Variants in SHTN1 observed in about 807,000 individuals in gnomAD.
SHTN1 encodes shootin-1.
A neutral mutation model predicts 83.1 loss-of-function variants in SHTN1; 42 were observed. That is an observed-to-expected ratio of 0.51 (90% confidence interval 0.39 to 0.65). The LOEUF (loss-of-function observed/expected upper bound fraction) is 0.65. Ranked by LOEUF, SHTN1 falls within the 30% of genes least tolerant of loss-of-function variation. SHTN1 has a pLI of 0.00. For synonymous variants in SHTN1, 224 were observed against 247.7 expected (o/e 0.90, Z 0.90); for missense variants, 622 against 737.8 (o/e 0.84, Z 1.82).
chr10:117,072,980 G>T (rs913088101), intron 1 of SHTN1, among the ~76,000 whole-genome samples: 2 of 152,000 alleles, frequency 1.3e-5, no homozygotes, highest in African/African-American at 4.8e-5. Flanking sequence ...GAAGTGAAGG[G>T]AGAAAAATTT....
At chr10:117,007,446 CG>C (rs1852037191), upstream of SHTN1, among the ~76,000 whole-genome samples, 3 of 149,936 alleles carry the variant, frequency 2.0e-5, no homozygotes, top group Admixed American at 6.7e-5. Flanking sequence ...ACTAAATCTG[CG>C]GCCTCTTGCA....
chr10:116,953,799 T>C (rs1849876279), intron 5 of SHTN1, among the ~76,000 whole-genome samples: 1 of 152,076 alleles, frequency 6.6e-6, no homozygotes, highest in Admixed American at 6.6e-5. Flanking sequence ...AGCTAATTTT[T>C]GTATTTTTTA....
chr10:116,938,663 G>T (rs1342741231), intron 9 of SHTN1, among the ~76,000 whole-genome samples: 2 of 152,246 alleles, frequency 1.3e-5, no homozygotes, highest in Non-Finnish European at 2.9e-5. Flanking sequence ...ACCTGAGGAG[G>T]CAGTCTGTCC....
At chr10:116,981,353 A>G (rs973531470) in intron 1 of SHTN1, among the ~76,000 whole-genome samples, 1 of 152,148 alleles carries the variant, frequency 6.6e-6, no homozygotes, top group African/African-American at 2.4e-5. Flanking sequence ...TTTTCAACAG[A>G]AAAAGATTTG....
chr10:117,072,375 G>A (rs1226009906), intron 1 of SHTN1, among the ~76,000 whole-genome samples: 2 of 152,116 alleles, frequency 1.3e-5, no homozygotes. Context: ...GGCCCACATC[G>A]TGAATTTTAG....
intron 2 of SHTN1, among the ~76,000 whole-genome samples, chr10:117,043,251 A>G (rs1388751124): frequency 6.6e-6 from 1 of 151,920 alleles, no homozygotes; most frequent in African/African-American, 2.4e-5. Flanking sequence ...CTCCTGTCTC[A>G]GCCTCCCGAG....
intron 1 of SHTN1, among the ~76,000 whole-genome samples, chr10:117,089,428 A>G (rs1853397305): frequency 6.6e-6 from 1 of 152,194 alleles, no homozygotes; most frequent in Admixed American, 6.5e-5. Context: ...AACTTACAAC[A>G]TATAAAAAAT....
At chr10:116,893,576 G>GCACACACACACACACACA (rs6144113) in intron 16 of SHTN1, among the ~76,000 whole-genome samples, 8,364 of 123,472 alleles carry the variant, frequency 0.068, 451 homozygotes, top group African/African-American at 0.1. Context: ...GCACTCATGT[G>GCACACACACACACACACA]CACACACACA....
At chr10:117,027,907 GGGTAAT>G (rs1564935037) in intron 2 of SHTN1, among the ~76,000 whole-genome samples, 3 of 152,188 alleles carry the variant, frequency 2.0e-5, no homozygotes, top group African/African-American at 7.2e-5. Flanking sequence ...CTTTGGAACT[GGGTAAT>G]GTGCAGAGCT....
chr10:116,903,205 A>T lies in SHTN1; in HGVS notation c.1481-1248T>A, dbSNP rs114340862. On this transcript the variant is annotated intron_variant, in intron 15 of 16. Coordinates refer to ENST00000355371, the MANE Select transcript of SHTN1 (RefSeq NM_001127211.3). ...TAATTCACCTATACTCTCTAGGCAGACACGTTTGGACATTATTGGATATTT... is the reference window on the plus strand; with the variant it reads ...TAATTCACCTATACTCTCTAGGCAGTCACGTTTGGACATTATTGGATATTT... Among the ~76,000 whole-genome samples the T allele has an allele frequency of 7.2e-3, 1,095 of 152,308 alleles. 17 individuals are homozygous for T. Among genetic ancestry groups the T allele is most frequent in the African/African-American group, 0.025 (1,058 of 41,560 alleles).
At chr10:117,092,293 C>T (rs1853442312) in intron 1 of SHTN1, among the ~76,000 whole-genome samples, 1 of 152,176 alleles carries the variant, frequency 6.6e-6, no homozygotes, top group Admixed American at 6.5e-5. Context: ...CTCTCACAGG[C>T]AAGCAAACTC....
At chr10:116,895,630 C>A (rs1847491767) in intron 16 of SHTN1, among the ~76,000 whole-genome samples, 1 of 152,176 alleles carries the variant, frequency 6.6e-6, no homozygotes, top group Non-Finnish European at 1.5e-5. Context: ...AATGAAGCAA[C>A]TTAACTGCAG....
At chr10:117,064,710 T>C (rs1852949797) in intron 1 of SHTN1, among the ~76,000 whole-genome samples, 1 of 151,202 alleles carries the variant, frequency 6.6e-6, no homozygotes, top group Admixed American at 6.6e-5. Context: ...CAAACCCCAC[T>C]TGTCCCACCC....
chr10:116,883,311 TATA>T lies in SHTN1; in HGVS notation c.*3030_*3032del, dbSNP rs967367621. 3 of 152,258 alleles carry T rather than the reference TATA, an allele frequency of 2.0e-5. No individual in the cohort carries two copies. Among genetic ancestry groups the T allele is most frequent in the East Asian group, 3.9e-4 (2 of 5,184 alleles). The allele number at this position is 152,258 out of a possible 1,614,324, so 9.4% of individuals were successfully genotyped here. A position where few individuals can be genotyped will look rare whatever the true frequency, so the allele number is the denominator to read the frequency against. ...TGAAATATATTTATATAACTGTATA[TATA>T]ATATTATCTGTGAAAGAAATGAAAG... On this transcript the variant is annotated 3_prime_UTR_variant, in exon 17 of 17. Transcript: ENST00000355371.
At chr10:116,963,494 G>A (rs945043065) in intron 3 of SHTN1, among the ~76,000 whole-genome samples, 2 of 152,026 alleles carry the variant, frequency 1.3e-5, no homozygotes, top group Non-Finnish European at 2.9e-5. Context: ...TGCATATTTG[G>A]ATGACATGAG....
chr10:116,988,410 T>C (rs1851301021), intron 1 of SHTN1, among the ~76,000 whole-genome samples: 1 of 151,600 alleles, frequency 6.6e-6, no homozygotes, highest in African/African-American at 2.4e-5. Context: ...GTATTCTTCA[T>C]GGTACCACAG....
intron 9 of SHTN1, among the ~76,000 whole-genome samples, chr10:116,934,762 T>C (rs2133386043): frequency 6.6e-6 from 1 of 152,334 alleles, no homozygotes; most frequent in South Asian, 2.1e-4. Flanking sequence ...CTCTGGGCAG[T>C]ACAGCCATTT....
At chr10:116,988,682 G>T (rs1445109316) in intron 1 of SHTN1, among the ~76,000 whole-genome samples, 1 of 151,922 alleles carries the variant, frequency 6.6e-6, no homozygotes, top group Admixed American at 6.6e-5. Flanking sequence ...TCCAGTTACA[G>T]ATGCATACCC....
chr10:116,934,241 G>A (rs1481837544), intron 9 of SHTN1, among the ~76,000 whole-genome samples: 1 of 152,096 alleles, frequency 6.6e-6, no homozygotes, highest in Non-Finnish European at 1.5e-5. Context: ...CTTTGCCCAT[G>A]CCTATGTCCT....
Sources: allele counts gnomAD v4.1 joint callset (sites outside exome capture counted in the v4.1 genomes callset), GRCh38; gene constraint gnomAD v4.1.1; transcripts MANE v1.5; gene names NCBI Gene and HGNC (gene_info 2026-07-23, HGNC 2026-07-21).